The following IL23R variants were observed in gnomAD, a reference collection of about 807,000 sequenced individuals.
IL23R encodes the protein interleukin 23 receptor, also known as interleukin-23 receptor.
Under a neutral mutation model 56.9 loss-of-function variants are expected in IL23R, and 34 were observed. The observed-to-expected ratio is 0.60, with a 90% CI of 0.45 to 0.80. IL23R has a LOEUF of 0.80. Ranked by LOEUF, IL23R falls within the 30% of genes least tolerant of loss-of-function variation. IL23R has a pLI of 0.00. For synonymous variants in IL23R, 230 were observed against 249.2 expected (o/e 0.92, Z 0.73); for missense variants, 635 against 730.0 (o/e 0.87, Z 1.50).
At chr1:67,154,906 T>C (rs1265464348) in intron 1 of IL23R, among the ~76,000 whole-genome samples, 1 of 152,230 alleles carries the variant, frequency 6.6e-6, no homozygotes, top group Non-Finnish European at 1.5e-5. Flanking sequence ...TATTTTGGCA[T>C]GTTTTTGTAG....
intron 9 of IL23R, among the ~76,000 whole-genome samples, chr1:67,242,291 C>T (rs1315712482): frequency 6.6e-6 from 1 of 152,182 alleles, no homozygotes; most frequent in Non-Finnish European, 1.5e-5. Flanking sequence ...CTGCATTGGG[C>T]CTTCATCTTT....
At chr1:67,239,179 T>C (rs1232564898) in intron 8 of IL23R, among the ~76,000 whole-genome samples, 1 of 152,228 alleles carries the variant, frequency 6.6e-6, no homozygotes, top group Non-Finnish European at 1.5e-5. Context: ...GTGGGTAATA[T>C]GTGTTGAATA....
intron 10 of IL23R, among the ~76,000 whole-genome samples, chr1:67,256,790 T>C (rs1267412439): frequency 6.6e-6 from 1 of 152,150 alleles, no homozygotes; most frequent in Non-Finnish European, 1.5e-5. Flanking sequence ...CAAATAGAAG[T>C]GGCTCTGTTT....
In IL23R at chr1:67,209,476, T is replaced by C. The variant is rs1333537428; in HGVS notation, c.798+2421T>C. ...CGTCTTTCCCATACTATTCTCATGA[T>C]AGTGAATAAGTCTCATGAGATCTGA... On this transcript the variant is annotated intron_variant, in intron 6 of 10. Coordinates refer to ENST00000347310, the MANE Select transcript of IL23R (RefSeq NM_144701.3). 4.6e-5 allele frequency among the ~76,000 whole-genome samples: 7 copies of C among 152,216 alleles called. No individual in the cohort carries two copies. In the South Asian group the frequency reaches 1.4e-3, roughly 32 times the overall value.
intron 7 of IL23R, among the ~76,000 whole-genome samples, chr1:67,228,363 C>CTTTTTTTTTTTTTTTT (rs78083258): frequency 2.6e-4 from 28 of 105,788 alleles, no homozygotes; most frequent in East Asian, 1.1e-3. Context: ...TTTTTTCTTC[C>CTTTTTTTTTTTTTTTT]TTTTTTTTTT....
At chr1:67,139,180 T>G (rs1219832382) in intron 1 of IL23R, 1 of 152,210 alleles carries the variant, frequency 6.6e-6, no homozygotes, top group Non-Finnish European at 1.5e-5. Flanking sequence ...TCTTTGTGTA[T>G]AAACCAGTCT....
At chr1:67,166,189 G>A (rs1646872027), upstream of IL23R, among the ~76,000 whole-genome samples, 1 of 152,134 alleles carries the variant, frequency 6.6e-6, no homozygotes, top group Non-Finnish European at 1.5e-5. Context: ...TATTTTTGGT[G>A]TCAAAATGTT....
Position 67,219,581 on chromosome 1 carries a change from A to T in IL23R, c.806A>T (p.Glu269Val). Residue 269 changes from glutamate (E) to valine (V), a missense_variant, in exon 7 of 11, where the codon GAA (glutamate) becomes GTA (valine). Transcript: ENST00000347310. ...ATTNQTWNVKEFDTNFTYVQQ... is the reference protein window; with the variant it reads ...ATTNQTWNVKVFDTNFTYVQQ... Reference sequence around the variant, plus strand: ...GTTACCCATCCATTTTAGGTTAAAGAATTTGACACCAATTTTACATATGTG... The same window carrying T: ...GTTACCCATCCATTTTAGGTTAAAGTATTTGACACCAATTTTACATATGTG... 6.2e-7 allele frequency: 1 copy of T among 1,613,872 alleles called. No homozygotes were observed. The highest frequency in any genetic ancestry group is 8.5e-7 in the Non-Finnish European group (1 of 1,179,858).
chr1:67,264,210 A>G (rs188984704), downstream of IL23R, among the ~76,000 whole-genome samples: 9 of 152,362 alleles, frequency 5.9e-5, no homozygotes, highest in East Asian at 1.5e-3. Context: ...AGAGGCTGCT[A>G]ATAGAGGCAG....
At chr1:67,152,858 A>T (rs536364643) in intron 1 of IL23R, among the ~76,000 whole-genome samples, 1 of 152,186 alleles carries the variant, frequency 6.6e-6, no homozygotes, top group South Asian at 2.1e-4. Flanking sequence ...GCCAGTATTT[A>T]ATTGAGGATT....
chr1:67,140,195 G>A (rs1646623224), intron 1 of IL23R, among the ~76,000 whole-genome samples: 1 of 152,122 alleles, frequency 6.6e-6, no homozygotes, highest in Admixed American at 6.5e-5. Context: ...ATAGCATCTT[G>A]CAAGGCTTCA....
chr1:67,216,470 C>A (rs945543427), intron 6 of IL23R, among the ~76,000 whole-genome samples: 2 of 152,156 alleles, frequency 1.3e-5, no homozygotes, highest in African/African-American at 4.8e-5. Flanking sequence ...TCTCAGCAAA[C>A]TTTTTATTCA....
At chr1:67,143,937 A>G (rs926519428) in intron 1 of IL23R, among the ~76,000 whole-genome samples, 2 of 152,232 alleles carry the variant, frequency 1.3e-5, no homozygotes, top group Non-Finnish European at 2.9e-5. Context: ...AAATGCAGAG[A>G]AAACTATGTT....
At chr1:67,251,027 C>T (rs750149009) in intron 9 of IL23R, among the ~76,000 whole-genome samples, 5 of 151,972 alleles carry the variant, frequency 3.3e-5, no homozygotes. Flanking sequence ...CCCAAGGAGT[C>T]CTAGGCTATC....
chr1:67,166,345 C>T (rs895966175), upstream of IL23R: 5 of 152,290 alleles, frequency 3.3e-5, no homozygotes, highest in Admixed American at 2.0e-4. Flanking sequence ...CCAGTCATTT[C>T]GAATTGGACA....
chr1:67,251,540 A>G (rs1411103877), intron 9 of IL23R, among the ~76,000 whole-genome samples: 1 of 152,156 alleles, frequency 6.6e-6, no homozygotes, highest in African/African-American at 2.4e-5. Flanking sequence ...ACTCTTAACT[A>G]TAGTGCTCTT....
At chr1:67,168,240 A>G (rs1357492548) in intron 2 of IL23R, 50 bp downstream of exon 2, 1 of 1,214,430 alleles carries the variant, frequency 8.2e-7, no homozygotes, top group Non-Finnish European at 1.2e-6. Flanking sequence ...CAAATGGAAT[A>G]TTGAGTGATT....
In IL23R at chr1:67,227,956, T is replaced by C. The variant is rs376330736; in HGVS notation, c.955+8226T>C. Among the ~76,000 whole-genome samples, 5 of 7,154 alleles carry C rather than the reference T, an allele frequency of 7.0e-4. 2 individuals are homozygous for C. The highest frequency in any genetic ancestry group is 2.6e-3 in the East Asian group (2 of 766). 4.7% of individuals were successfully genotyped at this position (7,154 alleles called of 152,430 possible). A position where few individuals can be genotyped will look rare whatever the true frequency, so the allele number is the denominator to read the frequency against. On this transcript the variant is annotated intron_variant, in intron 7 of 10. Transcript: ENST00000347310. The stretch of plus-strand genomic sequence containing the variant: ...AGAACAAAGATCTTTCTTTCTTTCT[T>C]TCTTTCTTTCTTTCTTTCTTTCTTT...
chr1:67,206,435 T>G (rs1316292955), intron 5 of IL23R, among the ~76,000 whole-genome samples: 2 of 152,130 alleles, frequency 1.3e-5, no homozygotes, highest in Admixed American at 1.3e-4. Context: ...CTCAGCCTCC[T>G]GAGTAGTTGG....
Sources: allele counts gnomAD v4.1 joint callset (sites outside exome capture counted in the v4.1 genomes callset), GRCh38; gene constraint gnomAD v4.1.1; transcripts MANE v1.5; gene names NCBI Gene and HGNC (gene_info 2026-07-23, HGNC 2026-07-21).